Variants in RARB observed in about 807,000 individuals in gnomAD.
RARB encodes retinoic acid receptor beta.
A neutral mutation model predicts 51.9 loss-of-function variants in RARB; 17 were observed. The observed-to-expected ratio is 0.33, with a 90% CI of 0.22 to 0.49. The LOEUF is 0.49. Ranked by LOEUF, RARB falls within the 20% of genes least tolerant of loss-of-function variation. The probability of loss-of-function intolerance (pLI) is 0.99; values close to 1 mark genes in which losing one functional copy is unlikely to be tolerated. For synonymous variants in RARB, 215 were observed against 195.4 expected, an observed-to-expected ratio of 1.10 and a Z score of -0.84; for missense variants, 369 against 550.8, an observed-to-expected ratio of 0.67 and a Z score of 3.30.
chr3:24,886,490 G>A (rs1703269210), intron 2 of RARB, among the ~76,000 whole-genome samples: 1 of 151,568 alleles, frequency 6.6e-6, no homozygotes, highest in African/African-American at 2.4e-5. Context: ...TATCACCTGG[G>A]ATGATATGCA....
chr3:24,864,296 T>C (rs1702809229), intron 2 of RARB, among the ~76,000 whole-genome samples: 1 of 152,198 alleles, frequency 6.6e-6, no homozygotes, highest in African/African-American at 2.4e-5. Flanking sequence ...TGTGTTTATC[T>C]TATCGACCTG....
chr3:25,520,311 T>C (rs1698348804), intron 3 of RARB, among the ~76,000 whole-genome samples: 1 of 152,188 alleles, frequency 6.6e-6, no homozygotes, highest in Non-Finnish European at 1.5e-5. Flanking sequence ...TTCTATCCAG[T>C]TCATAGAAGC....
At chr3:24,843,970 G>T (rs946782845) in intron 1 of RARB, among the ~76,000 whole-genome samples, 1 of 151,614 alleles carries the variant, frequency 6.6e-6, no homozygotes, top group African/African-American at 2.4e-5. Context: ...GTCAATGCAT[G>T]CTCACTTGCA....
At chr3:25,094,186 A>G (rs1699252151) in intron 3 of RARB, among the ~76,000 whole-genome samples, 1 of 152,156 alleles carries the variant, frequency 6.6e-6, no homozygotes, top group South Asian at 2.1e-4. Flanking sequence ...TTACTTGCAT[A>G]TAGAAGGTCT....
chr3:24,885,156 G>C (rs1446392734), intron 2 of RARB, among the ~76,000 whole-genome samples: 1 of 152,108 alleles, frequency 6.6e-6, no homozygotes, highest in East Asian at 1.9e-4. Context: ...TGACATTAAT[G>C]ATTAGCTTGG....
intron 2 of RARB, among the ~76,000 whole-genome samples, chr3:25,042,173 T>G (rs1402380769): frequency 6.6e-6 from 1 of 152,230 alleles, no homozygotes; most frequent in Non-Finnish European, 1.5e-5. Context: ...GGATATCTGG[T>G]TGTTTATTTA....
intron 5 of RARB, among the ~76,000 whole-genome samples, chr3:25,308,432 CTG>C (rs1704204350): frequency 6.7e-6 from 1 of 149,308 alleles, no homozygotes. Context: ...TTCTCCCTGA[CTG>C]GTTTTCTTTC....
rs554485233 is a variant in RARB, at chr3:25,063,881, A to C, written c.-328+3705A>C. ...CAGAAGTTGTGGTTTAGGAGAGTCA[A>C]ATAGAATTAAGCACTACTTTGTGAC... On this transcript the variant is annotated intron_variant, in intron 3 of 11. Coordinates refer to the RARB transcript ENST00000383772. 1.8e-4 allele frequency among the ~76,000 whole-genome samples: 28 copies of C among 152,146 alleles called. No homozygotes were observed. In the South Asian group the frequency reaches 5.8e-3, roughly 32 times the overall value.
chr3:25,367,817 C>CAAA lies in RARB; in HGVS notation c.179-93368_179-93366dup, dbSNP rs369165017. Reference sequence around the variant, plus strand: ...AGACCCTGTCACAAAAAAAAACAAGCAAAAAAAAAACAAAAACAAAACAAA... The same window carrying CAAA: ...AGACCCTGTCACAAAAAAAAACAAGCAAAAAAAAAAAAACAAAAACAAAACAAA... On this transcript the variant is annotated intron_variant, in intron 5 of 11. Transcript: ENST00000383772. 4.4e-3 allele frequency among the ~76,000 whole-genome samples: 550 copies of CAAA among 125,556 alleles called. 13 individuals carry two copies. Among genetic ancestry groups the CAAA allele is most frequent in the African/African-American group, 0.017 (510 of 30,886 alleles). The allele number at this position is 125,556 out of a possible 152,430, so 82.4% of individuals were successfully genotyped here.
intron 2 of RARB, among the ~76,000 whole-genome samples, chr3:24,912,291 T>A (rs971191894): frequency 2.6e-5 from 4 of 152,186 alleles, no homozygotes; most frequent in African/African-American, 4.8e-5. Flanking sequence ...CTCGGGTAAG[T>A]TAGGGAACAT....
At chr3:25,126,515 G>C (rs1010017717) in intron 3 of RARB, among the ~76,000 whole-genome samples, 1 of 151,728 alleles carries the variant, frequency 6.6e-6, no homozygotes, top group Non-Finnish European at 1.5e-5. Flanking sequence ...CGAAGGATAC[G>C]CTTCCAGTCT....
intron 5 of RARB, among the ~76,000 whole-genome samples, chr3:25,198,514 C>A (rs1478292372): frequency 6.6e-6 from 1 of 152,074 alleles, no homozygotes; most frequent in Non-Finnish European, 1.5e-5. Context: ...TATTTGCAAA[C>A]TATCCATCTG....
chr3:25,377,150 T>C (rs760009265), intron 5 of RARB, among the ~76,000 whole-genome samples: 4 of 151,698 alleles, frequency 2.6e-5, no homozygotes, highest in African/African-American at 4.8e-5. Flanking sequence ...GCACAAATAG[T>C]AAATTGTGTT....
chr3:24,980,469 C>A (rs552904482), intron 2 of RARB, among the ~76,000 whole-genome samples: 1 of 151,984 alleles, frequency 6.6e-6, no homozygotes, highest in Admixed American at 6.6e-5. Context: ...TTATTTGTTT[C>A]TCTTCTTTCT....
At chr3:25,345,977 G>T (rs1705380588) in intron 5 of RARB, 1 of 730,142 alleles carries the variant, frequency 1.4e-6, no homozygotes, top group Middle Eastern at 6.9e-4. Context: ...TGCAGTTTGG[G>T]GCTGGCTCCG....
chr3:25,289,381 C>G (rs571021043), intron 5 of RARB, among the ~76,000 whole-genome samples: 4 of 152,190 alleles, frequency 2.6e-5, no homozygotes, highest in Non-Finnish European at 5.9e-5. Context: ...TATCCTTTTT[C>G]CCTGTTACCA....
intron 2 of RARB, among the ~76,000 whole-genome samples, chr3:24,890,391 C>T (rs1703355420): frequency 6.6e-6 from 1 of 152,182 alleles, no homozygotes; most frequent in South Asian, 2.1e-4. Context: ...ATCACATTCA[C>T]ATTGACTATA....
At chr3:24,984,191 T>G (rs1696737871) in intron 2 of RARB, among the ~76,000 whole-genome samples, 1 of 152,170 alleles carries the variant, frequency 6.6e-6, no homozygotes, top group Non-Finnish European at 1.5e-5. Flanking sequence ...CCAGTGAAGG[T>G]GTTCATCACA....
chr3:24,991,959 A>G (rs1432731818), intron 2 of RARB, among the ~76,000 whole-genome samples: 1 of 151,998 alleles, frequency 6.6e-6, no homozygotes, highest in Non-Finnish European at 1.5e-5. Flanking sequence ...GCAGAGGTGT[A>G]CCTTCCTCCC....
Sources: allele counts gnomAD v4.1 joint callset (sites outside exome capture counted in the v4.1 genomes callset), GRCh38; gene constraint gnomAD v4.1.1; transcripts MANE v1.5; gene names NCBI Gene and HGNC (gene_info 2026-07-23, HGNC 2026-07-21).